The following GUCY1A2 variants were observed in gnomAD, a reference collection of about 807,000 sequenced individuals.
GUCY1A2 encodes the protein guanylate cyclase soluble subunit alpha-2.
A neutral mutation model predicts 63.5 loss-of-function variants in GUCY1A2; 27 were observed. The ratio of observed to expected loss-of-function variants is 0.43; its 90% confidence interval spans 0.31 to 0.59. The LOEUF (loss-of-function observed/expected upper bound fraction) is 0.59, where lower values mean the gene tolerates loss of function less well. GUCY1A2 is among the 20% of genes least tolerant of loss of function. GUCY1A2 has a pLI of 0.11. For synonymous variants in GUCY1A2, 364 were observed against 343.5 expected, an observed-to-expected ratio of 1.06 and a Z score of -0.66; for missense variants, 768 against 913.3, an observed-to-expected ratio of 0.84 and a Z score of 2.05.
intron 3 of GUCY1A2, among the ~76,000 whole-genome samples, chr11:106,963,375 G>A (rs1203537232): frequency 2.6e-5 from 4 of 152,056 alleles, no homozygotes; most frequent in African/African-American, 4.8e-5. Flanking sequence ...CATGAAAATC[G>A]GTACCTTAAG....
rs1020052259 is a variant in GUCY1A2, at chr11:106,681,626, G to A, written c.*5923C>T. On this transcript the variant is annotated 3_prime_UTR_variant, in exon 8 of 8. Coordinates refer to ENST00000526355, the MANE Select transcript of GUCY1A2 (RefSeq NM_000855.3). ...GATAGATTAAACATGTCATTTGCCC[G>A]AATATTTTTAATCTGAGTCATTACT... 3 of 222,256 alleles carry A rather than the reference G, an allele frequency of 1.3e-5. No homozygotes were observed. The highest frequency in any genetic ancestry group is 2.7e-5 in the Non-Finnish European group (3 of 111,270). The allele number at this position is 222,256 out of a possible 1,614,324, so 13.8% of individuals were successfully genotyped here.
Position 106,687,636 on chromosome 11 carries a change from C to A in GUCY1A2, c.2112G>T (p.Lys704Asn). 1 of 1,613,958 alleles carries A rather than the reference C, an allele frequency of 6.2e-7. No individual in the cohort carries two copies. Among genetic ancestry groups the A allele is most frequent in the Non-Finnish European group, 8.5e-7 (1 of 1,179,876 alleles). Residue 704 changes from lysine to asparagine, a missense_variant, in exon 8 of 8, where the codon AAG becomes AAT. Physicochemically the swap from Lys to Asn is moderately conservative, Grantham distance 94. Transcript: ENST00000526355. ...ACGAAGAAAGAGAAGGCTTTGGTGG[C>A]TTTGGACCAGTCCTTACCTCCAGGA... ...CYFLEVRTGP[K>N]PPKPSLSSSR...
At chr11:106,741,659 C>T (rs925778140) in intron 6 of GUCY1A2, among the ~76,000 whole-genome samples, 1 of 152,084 alleles carries the variant, frequency 6.6e-6, no homozygotes, top group African/African-American at 2.4e-5. Flanking sequence ...AGAAAGCAAA[C>T]GTAATGCTTT....
At chr11:106,956,471 G>T (rs959338159) in intron 3 of GUCY1A2, among the ~76,000 whole-genome samples, 3 of 151,836 alleles carry the variant, frequency 2.0e-5, no homozygotes, top group African/African-American at 7.3e-5. Flanking sequence ...AGGCCTTTTT[G>T]TTGTTGTTGT....
chr11:106,679,277 C>T lies in GUCY1A2; in HGVS notation c.*8272G>A, dbSNP rs1862394073. The T allele has an allele frequency of 5.3e-6, 1 of 188,866 alleles. No individual in the cohort carries two copies. Among genetic ancestry groups the T allele is most frequent in the South Asian group, 1.9e-4 (1 of 5,150 alleles). 11.7% of individuals were successfully genotyped at this position (188,866 alleles called of 1,614,324 possible). Reference sequence around the variant, plus strand: ...CCTAACCACTTTTAAGTTTAGAAGACTAGAGTCTTCGTGTCTCACAGAATA... The same window carrying T: ...CCTAACCACTTTTAAGTTTAGAAGATTAGAGTCTTCGTGTCTCACAGAATA... On this transcript the variant is annotated 3_prime_UTR_variant, in exon 8 of 8. Coordinates refer to ENST00000526355, the MANE Select transcript of GUCY1A2 (RefSeq NM_000855.3).
At chr11:106,862,693 C>A (rs537168878) in intron 4 of GUCY1A2, among the ~76,000 whole-genome samples, 1 of 152,036 alleles carries the variant, frequency 6.6e-6, no homozygotes, top group South Asian at 2.1e-4. Context: ...ATTCCAATTC[C>A]TTCCCTGACC....
intron 4 of GUCY1A2, chr11:106,824,787 T>C (rs1858945387): frequency 7.7e-6 from 12 of 1,561,864 alleles, no homozygotes; most frequent in African/African-American, 2.8e-5. Context: ...CTTGCTTTGT[T>C]ATTTTTTTTT....
intron 6 of GUCY1A2, among the ~76,000 whole-genome samples, chr11:106,747,338 T>G (rs1863807958): frequency 1.3e-5 from 2 of 152,194 alleles, no homozygotes; most frequent in South Asian, 4.1e-4. Flanking sequence ...TAAATAAATT[T>G]TTTAACCTTG....
At chr11:106,940,787 C>G (rs111975456) in intron 3 of GUCY1A2, among the ~76,000 whole-genome samples, 1 of 152,180 alleles carries the variant, frequency 6.6e-6, no homozygotes, top group Admixed American at 6.5e-5. Flanking sequence ...TCTAGCTGTT[C>G]ACCTTTCAAT....
At chr11:106,712,494 T>C (rs892514547) in intron 6 of GUCY1A2, among the ~76,000 whole-genome samples, 3 of 152,180 alleles carry the variant, frequency 2.0e-5, no homozygotes, top group Non-Finnish European at 4.4e-5. Flanking sequence ...TTAATTTTTC[T>C]CTTCATTATG....
At chr11:106,887,914 T>C (rs148980540) in intron 4 of GUCY1A2, among the ~76,000 whole-genome samples, 23 of 152,298 alleles carry the variant, frequency 1.5e-4, no homozygotes, top group African/African-American at 5.5e-4. Flanking sequence ...TCAGAGATTG[T>C]CAACGGTTGC....
chr11:106,959,816 C>G (rs1861036926), intron 3 of GUCY1A2, among the ~76,000 whole-genome samples: 1 of 152,228 alleles, frequency 6.6e-6, no homozygotes, highest in Admixed American at 6.5e-5. Context: ...GGTAAAACTC[C>G]TCAGCTGCAA....
At chr11:106,967,730 AGGAGGGAG>A (rs143647339) in intron 3 of GUCY1A2, among the ~76,000 whole-genome samples, 7 of 112,316 alleles carry the variant, frequency 6.2e-5, no homozygotes, top group East Asian at 3.1e-4. Flanking sequence ...AAGGGAGGAA[AGGAGGGAG>A]GGAGGGAGGG....
intron 6 of GUCY1A2, among the ~76,000 whole-genome samples, chr11:106,721,525 AC>A (rs1448823906): frequency 6.6e-6 from 1 of 152,078 alleles, no homozygotes; most frequent in Admixed American, 6.6e-5. Context: ...TTGTACATAC[AC>A]CCCATACTCT....
chr11:106,792,206 T>C (rs1370044599), intron 5 of GUCY1A2, among the ~76,000 whole-genome samples: 1 of 151,896 alleles, frequency 6.6e-6, no homozygotes, highest in African/African-American at 2.4e-5. Flanking sequence ...GCCAACATAG[T>C]GAAACCCCAT....
At position 106,939,520 on chromosome 11, in the gene GUCY1A2, C is replaced by G. The variant is rs749325460; in HGVS notation, c.1146G>C (p.Leu382=). 9.3e-6 allele frequency: 15 copies of G among 1,613,062 alleles called. No individual in the cohort carries two copies. In the South Asian group the frequency reaches 1.6e-4, roughly 18 times the overall value. Residue 382 remains leucine, a synonymous_variant, in exon 4 of 8, where the codon CTG becomes CTC. Coordinates refer to ENST00000526355, the MANE Select transcript of GUCY1A2 (RefSeq NM_000855.3). ...TGGTTCTAATCACAAACGGGGTAGA[C>G]AGTCGCAGCAGGACCCTTTCAAAGG... is the stretch of plus-strand genomic sequence containing the variant. The part of the protein sequence containing the change: ...NATFERVLLR[L]STPFVIRTKP...
At chr11:106,827,368 T>A in intron 4 of GUCY1A2, 1 of 1,553,838 alleles carries the variant, frequency 6.4e-7, no homozygotes, top group Non-Finnish European at 8.9e-7. Flanking sequence ...AGCTTTATCT[T>A]TAATGGCCCA....
chr11:106,758,485 G>A (rs562476113), intron 6 of GUCY1A2, among the ~76,000 whole-genome samples: 21 of 152,174 alleles, frequency 1.4e-4, no homozygotes, highest in African/African-American at 3.1e-4. Context: ...GCCCTGCTTC[G>A]GTTCGCCCTC....
At chr11:106,706,688 AG>A (rs1407873838) in intron 7 of GUCY1A2, among the ~76,000 whole-genome samples, 5 of 150,226 alleles carry the variant, frequency 3.3e-5, no homozygotes, top group Non-Finnish European at 5.9e-5. Context: ...AAGTTGTCAC[AG>A]AAGACATAAA....
Sources: allele counts gnomAD v4.1 joint callset (sites outside exome capture counted in the v4.1 genomes callset), GRCh38; gene constraint gnomAD v4.1.1; transcripts MANE v1.5; gene names NCBI Gene and HGNC (gene_info 2026-07-23, HGNC 2026-07-21).